DPP10: variants seen among roughly 807,000 people sequenced by gnomAD.
DPP10 encodes the protein inactive dipeptidyl peptidase 10.
Under a neutral mutation model 120.9 loss-of-function variants are expected in DPP10, and 33 were observed. That is an observed-to-expected ratio of 0.27 (90% CI 0.21 to 0.37). The LOEUF (loss-of-function observed/expected upper bound fraction) is 0.37, where lower values mean the gene tolerates loss of function less well. Ranked by LOEUF, DPP10 falls within the 10% of genes least tolerant of loss-of-function variation. The pLI is 1.00. For synonymous variants in DPP10, 337 were observed against 326.1 expected, an observed-to-expected ratio of 1.03 and a Z score of -0.36; for missense variants, 816 against 942.8, an observed-to-expected ratio of 0.87 and a Z score of 1.76.
At chr2:115,774,609 C>T (rs1681877268) in intron 13 of DPP10, among the ~76,000 whole-genome samples, 1 of 152,090 alleles carries the variant, frequency 6.6e-6, no homozygotes, top group Non-Finnish European at 1.5e-5. Flanking sequence ...ACTTGTAAAT[C>T]AGTAGTACGT....
At chr2:115,409,420 A>C (rs1222113401) in intron 3 of DPP10, among the ~76,000 whole-genome samples, 1 of 152,234 alleles carries the variant, frequency 6.6e-6, no homozygotes, top group Non-Finnish European at 1.5e-5. Context: ...ATTGCCCAAC[A>C]TCACTAATGA....
intron 19 of DPP10, among the ~76,000 whole-genome samples, chr2:115,806,968 T>C (rs1057177604): frequency 1.3e-5 from 2 of 152,120 alleles, no homozygotes; most frequent in African/African-American, 4.8e-5. Context: ...AATTCTCCTG[T>C]CTTTGGTGTG....
intron 3 of DPP10, among the ~76,000 whole-genome samples, chr2:115,485,874 T>C (rs2075748508): frequency 6.6e-6 from 1 of 152,126 alleles, no homozygotes; most frequent in African/African-American, 2.4e-5. Flanking sequence ...GATATTGCAA[T>C]TTATTTTTCT....
rs1370047333 is a variant in DPP10, at chr2:115,739,739, A to G, written c.698A>G (p.Glu233Gly). 1.2e-6 allele frequency: 2 copies of G among 1,612,966 alleles called. No individual in the cohort carries two copies. The highest frequency in any genetic ancestry group is 2.7e-5 in the African/African-American group (2 of 74,896). ...CTCAAATAACACTCATTTATTCTAG[A>G]GGAACTCCTGCATTCTCACATCGCC... ...FNGIADWLYE[E>G]ELLHSHIAHW... The change falls in exon 9 of 26, where the codon GAG becomes GGG. Residue 233 changes from glutamate (E) to glycine (G), a missense_variant and splice_region_variant. By Grantham distance (98) the Glu-to-Gly change is moderately conservative (BLOSUM62 -2). Transcript: ENST00000410059.
chr2:115,226,926 C>T (rs1017091082), intron 1 of DPP10, among the ~76,000 whole-genome samples: 1 of 152,096 alleles, frequency 6.6e-6, no homozygotes, highest in African/African-American at 2.4e-5. Context: ...GGAAGAACTA[C>T]AGATTTCAAG....
chr2:114,552,534 C>A (rs1053250572), intron 1 of DPP10, among the ~76,000 whole-genome samples: 6 of 152,092 alleles, frequency 3.9e-5, no homozygotes, highest in Admixed American at 3.9e-4. Flanking sequence ...ATTATACATT[C>A]TTTTTTCTTT....
chr2:114,787,677 G>A (rs1277547236), intron 1 of DPP10, among the ~76,000 whole-genome samples: 1 of 152,130 alleles, frequency 6.6e-6, no homozygotes, highest in Non-Finnish European at 1.5e-5. Context: ...GTGTGTATGT[G>A]CCTCTAAGAC....
intron 1 of DPP10, among the ~76,000 whole-genome samples, chr2:114,975,390 A>C (rs976283153): frequency 3.5e-4 from 53 of 152,240 alleles, no homozygotes; most frequent in African/African-American, 1.3e-3. Context: ...AAATGTTTTA[A>C]TGTTTTACTC....
At chr2:114,721,117 C>T (rs1192086876) in intron 1 of DPP10, among the ~76,000 whole-genome samples, 1 of 152,220 alleles carries the variant, frequency 6.6e-6, no homozygotes, top group African/African-American at 2.4e-5. Flanking sequence ...AAAGAAGTCA[C>T]TGCTTTTCCC....
intron 1 of DPP10, among the ~76,000 whole-genome samples, chr2:115,291,763 G>A (rs2060665659): frequency 6.6e-6 from 1 of 152,098 alleles, no homozygotes; most frequent in Admixed American, 6.6e-5. Flanking sequence ...TCACTGACCA[G>A]ATCCTTATTG....
At chr2:115,307,050 G>A (rs528219492) in intron 1 of DPP10, among the ~76,000 whole-genome samples, 1 of 152,158 alleles carries the variant, frequency 6.6e-6, no homozygotes. Context: ...TAGAACTCCA[G>A]CTCTCCTACT....
intron 5 of DPP10, among the ~76,000 whole-genome samples, chr2:115,659,697 G>A (rs1340298222): frequency 6.6e-6 from 1 of 152,072 alleles, no homozygotes; most frequent in East Asian, 1.9e-4. Context: ...GTTTTTGTAT[G>A]TCTAATATAC....
At position 115,472,374 on chromosome 2, in the gene DPP10, A is replaced by T. The variant is rs2105187877; in HGVS notation, c.272-27136A>T. On this transcript the variant is annotated intron_variant, in intron 3 of 25. Coordinates refer to ENST00000410059, the MANE Select transcript of DPP10 (RefSeq NM_020868.6). ...TAAAAATGCTATGCAATTTTTAAAA[A>T]ATTTCAAGTAGATATATTACAAAAG... is the stretch of plus-strand genomic sequence containing the variant. Among the ~76,000 whole-genome samples the T allele has an allele frequency of 2.0e-5, 3 of 152,336 alleles. No individual in the cohort carries two copies. The Middle Eastern group carries it at 0.01, about 518-fold the overall frequency.
chr2:114,582,805 T>C (rs1690643295), intron 1 of DPP10, among the ~76,000 whole-genome samples: 1 of 150,232 alleles, frequency 6.7e-6, no homozygotes, highest in African/African-American at 2.4e-5. Flanking sequence ...TTCTTACTGG[T>C]GGACTTTGAT....
intron 1 of DPP10, among the ~76,000 whole-genome samples, chr2:114,657,206 T>C (rs1490544075): frequency 4.6e-5 from 7 of 152,180 alleles, no homozygotes; most frequent in African/African-American, 1.4e-4. Context: ...TAAGAAAATG[T>C]GTAATATAAC....
intron 1 of DPP10, among the ~76,000 whole-genome samples, chr2:114,627,285 A>G (rs986764013): frequency 6.6e-6 from 1 of 152,130 alleles, no homozygotes; most frequent in Admixed American, 6.6e-5. Flanking sequence ...TTTGACCTGA[A>G]GTTGTCCTCT....
intron 1 of DPP10, among the ~76,000 whole-genome samples, chr2:115,204,095 T>C (rs756432565): frequency 6.7e-6 from 1 of 149,642 alleles, no homozygotes; most frequent in Non-Finnish European, 1.5e-5. Context: ...GATTTTAGGC[T>C]ACTTGTGAAG....
At chr2:115,468,851 A>C (rs961940946) in intron 3 of DPP10, 2 of 417,816 alleles carry the variant, frequency 4.8e-6, no homozygotes, top group Non-Finnish European at 9.3e-6. Context: ...TGAAGACTGG[A>C]GCACTCAAGA....
intron 7 of DPP10, among the ~76,000 whole-genome samples, chr2:115,693,519 A>G (rs1285583334): frequency 6.6e-6 from 1 of 152,138 alleles, no homozygotes; most frequent in Non-Finnish European, 1.5e-5. Context: ...ATTTTGGAAA[A>G]TCTTTTACAC....
Sources: allele counts gnomAD v4.1 joint callset (sites outside exome capture counted in the v4.1 genomes callset), GRCh38; gene constraint gnomAD v4.1.1; transcripts MANE v1.5; gene names NCBI Gene and HGNC (gene_info 2026-07-23, HGNC 2026-07-21).